RSPO4: variants seen among roughly 807,000 people sequenced by gnomAD.
RSPO4 encodes R-spondin 4, also known as R-spondin-4.
In RSPO4, 23 loss-of-function variants were observed where a neutral mutation model predicts 24.8. The observed-to-expected ratio is 0.93, with a 90% CI of 0.67 to 1.31. RSPO4 has a LOEUF of 1.31. Among genes scored for constraint, RSPO4 ranks in the 40% most tolerant of loss-of-function variants. The pLI is 0.00. For missense variants in RSPO4, 333 were observed against 316.5 expected (o/e 1.05, Z -0.39); for synonymous variants, 141 against 127.4 (o/e 1.11, Z -0.72).
intron 1 of RSPO4, among the ~76,000 whole-genome samples, chr20:982,699 C>T (rs775348487): frequency 3.9e-5 from 6 of 152,168 alleles, no homozygotes; most frequent in Non-Finnish European, 5.9e-5. Context: ...TGTTGCCTCT[C>T]GCATCCTCTC....
In RSPO4 at chr20:968,046, T is replaced by C. The variant is rs200792773; in HGVS notation, c.172A>G (p.Ile58Val). ...STCQQRLFLF[I>V]RREGIRQYGK... is the part of the protein sequence containing the mutation. ...TACTGGCGGATGCCTTCCCGGCGGATGAACAGGAAGAGCCTCTGCTGGCAG... is the reference window on the plus strand; with the variant it reads ...TACTGGCGGATGCCTTCCCGGCGGACGAACAGGAAGAGCCTCTGCTGGCAG... Residue 58 changes from isoleucine (I) to valine (V), a missense_variant, in exon 2 of 5, where the codon ATC (isoleucine) becomes GTC (valine). Transcript: ENST00000217260. 2.4e-4 allele frequency: 381 copies of C among 1,614,220 alleles called. 1 individual carries two copies. The highest frequency in any genetic ancestry group is 9.9e-4 in the Middle Eastern group (6 of 6,062).
rs1984725838 is a variant in RSPO4, at chr20:981,257, GC to G, written c.80-13120del. 6.6e-6 allele frequency among the ~76,000 whole-genome samples: 1 copy of G among 152,202 alleles called. No individual in the cohort carries two copies. The highest frequency in any genetic ancestry group is 1.5e-5 in the Non-Finnish European group (1 of 68,044). ...AGGGGCAACCTGGCCAGGCACAGTG[GC>G]TCACGCCTGTAATCCCAGCACTTAG... On this transcript the variant is annotated intron_variant, in intron 1 of 4. Coordinates refer to ENST00000217260, the MANE Select transcript of RSPO4 (RefSeq NM_001029871.4). This position sits in a 1 kb window ranked among gnomAD's most constrained non-coding sequence, Gnocchi z 4.6.
At chr20:983,808 C>T (rs1984817356) in intron 1 of RSPO4, among the ~76,000 whole-genome samples, 2 of 152,158 alleles carry the variant, frequency 1.3e-5, no homozygotes, top group Admixed American at 6.5e-5. Context: ...ACAGGCCAGA[C>T]TGCCTCAACA....
In RSPO4 at chr20:960,280, G is replaced by A; in HGVS notation, c.*77C>T. On this transcript the variant is annotated 3_prime_UTR_variant, in exon 5 of 5. Transcript: ENST00000217260. Reference sequence around the variant, plus strand: ...GGAGAAGACAGAGGAGAAAGAGTAAGAGGAGAGGAGGAGAAGGAGCAGGAG... The same window carrying A: ...GGAGAAGACAGAGGAGAAAGAGTAAAAGGAGAGGAGGAGAAGGAGCAGGAG... The A allele has an allele frequency of 2.3e-6, 2 of 866,620 alleles. No individual in the cohort carries two copies. The highest frequency in any genetic ancestry group is 3.7e-6 in the Non-Finnish European group (2 of 535,968). 53.7% of individuals were successfully genotyped at this position (866,620 alleles called of 1,614,324 possible). A position where few individuals can be genotyped will look rare whatever the true frequency, so the allele number is the denominator to read the frequency against.
At position 981,367 on chromosome 20, in the gene RSPO4, A is replaced by C. The variant is rs1195199804; in HGVS notation, c.80-13229T>G. ...TGGCAAAACCCCGTCTCTACTAAAAATACAAAAATCAGCTGGGCGTGGTGG... is the reference window on the plus strand; with the variant it reads ...TGGCAAAACCCCGTCTCTACTAAAACTACAAAAATCAGCTGGGCGTGGTGG... On this transcript the variant is annotated intron_variant, in intron 1 of 4. Transcript: ENST00000217260. The surrounding 1 kb of genome is among the most constrained non-coding windows in gnomAD (Gnocchi z 4.6). Among the ~76,000 whole-genome samples, 2 of 152,146 alleles carry C rather than the reference A, an allele frequency of 1.3e-5. No individual in the cohort carries two copies. Among genetic ancestry groups the C allele is most frequent in the African/African-American group, 4.8e-5 (2 of 41,420 alleles).
Position 960,417 on chromosome 20 carries a change from C to T in RSPO4, c.645G>A (p.Lys215=). The T allele has an allele frequency of 1.9e-6, 3 of 1,539,868 alleles. No individual in the cohort carries two copies. The highest frequency in any genetic ancestry group is 2.6e-6 in the Non-Finnish European group (3 of 1,147,630). Residue 215 remains lysine, a synonymous_variant, in exon 5 of 5, where the codon AAG becomes AAA. Coordinates refer to ENST00000217260, the MANE Select transcript of RSPO4 (RefSeq NM_001029871.4). ...KKGRKDRRPR[K]DRKLDRRLDV... ...CCAGCCTGCGGTCCAGCTTCCTGTC[C>T]TTGCGTGGGCGCCGGTCCTTCCTGC...
intron 1 of RSPO4, among the ~76,000 whole-genome samples, chr20:980,859 C>T (rs13040573): frequency 0.12 from 18,108 of 152,108 alleles, 2,383 homozygotes; most frequent in African/African-American, 0.33. Context: ...CAGGGTTGTA[C>T]GTGCATGAAC....
chr20:966,040 G>C (rs1984184598), intron 3 of RSPO4, among the ~76,000 whole-genome samples: 1 of 152,172 alleles, frequency 6.6e-6, no homozygotes, highest in African/African-American at 2.4e-5. Flanking sequence ...AAACCCAGAG[G>C]AAACCCAGAG....
intron 1 of RSPO4, among the ~76,000 whole-genome samples, chr20:1,000,845 G>A (rs1293088252): frequency 6.6e-6 from 1 of 152,134 alleles, no homozygotes; most frequent in African/African-American, 2.4e-5. Flanking sequence ...AAGAACTGGA[G>A]CCTCTTGGGC....
chr20:983,562 G>A (rs921326515), intron 1 of RSPO4, among the ~76,000 whole-genome samples: 2 of 152,170 alleles, frequency 1.3e-5, no homozygotes, highest in African/African-American at 2.4e-5. Flanking sequence ...GTTCCACAGT[G>A]CTAATGGCTG....
chr20:972,788 C>T (rs1984447614), intron 1 of RSPO4, among the ~76,000 whole-genome samples: 2 of 152,218 alleles, frequency 1.3e-5, no homozygotes, highest in South Asian at 4.1e-4. Flanking sequence ...GACCAAGTTG[C>T]CCTGCGCTGT....
intron 3 of RSPO4, among the ~76,000 whole-genome samples, chr20:965,590 C>G (rs62187525): frequency 6.6e-6 from 1 of 152,236 alleles, no homozygotes. Flanking sequence ...AGGCGGGAGA[C>G]GGGCAGGAGC....
intron 1 of RSPO4, among the ~76,000 whole-genome samples, chr20:973,566 C>G (rs1984476089): frequency 6.6e-6 from 1 of 152,194 alleles, no homozygotes; most frequent in African/African-American, 2.4e-5. Flanking sequence ...CTCCGTCTCC[C>G]AGGTTCAAAC....
At chr20:961,744 G>T (rs1193371953) in intron 4 of RSPO4, among the ~76,000 whole-genome samples, 1 of 151,970 alleles carries the variant, frequency 6.6e-6, no homozygotes, top group Non-Finnish European at 1.5e-5. Flanking sequence ...CCCTAGGCCT[G>T]CCTGCCAGCT....
At position 967,155 on chromosome 20, in the gene RSPO4, C is replaced by T. The variant is rs376337082; in HGVS notation, c.409+19G>A. 277 of 1,610,236 alleles carry T rather than the reference C, an allele frequency of 1.7e-4. No homozygotes were observed. Among genetic ancestry groups the T allele is most frequent in the East Asian group, 5.1e-4 (23 of 44,820 alleles). On this transcript the variant is annotated intron_variant, in intron 3 of 4. Transcript: ENST00000217260. ...GGAGAGGGGAGGGGCAGGGGCAGGG[C>T]GGGGAGGTCCCCACTCACCCTGGCA... is the stretch of plus-strand genomic sequence containing the variant.
chr20:996,547 G>A (rs1309002649), intron 1 of RSPO4, among the ~76,000 whole-genome samples: 1 of 152,170 alleles, frequency 6.6e-6, no homozygotes, highest in Non-Finnish European at 1.5e-5. Context: ...CGGATCTCAA[G>A]AGCCCAATAG....
chr20:980,429 C>T (rs959735043), intron 1 of RSPO4, among the ~76,000 whole-genome samples: 4 of 152,140 alleles, frequency 2.6e-5, no homozygotes, highest in African/African-American at 9.7e-5. Context: ...CAGGACTGAA[C>T]ATGCCCCCTC....
chr20:962,524 GTGCAGAAGAACTGTC>G (rs1480743808), intron 4 of RSPO4, among the ~76,000 whole-genome samples: 1 of 152,204 alleles, frequency 6.6e-6, no homozygotes, highest in Non-Finnish European at 1.5e-5. Context: ...GTGGTAATGA[GTGCAGAAGAACTGTC>G]TGCCTCCTGT....
At chr20:964,461 C>T (rs75381508) in intron 3 of RSPO4, among the ~76,000 whole-genome samples, 6,388 of 151,998 alleles carry the variant, frequency 0.042, 162 homozygotes, top group Middle Eastern at 0.085. Context: ...CTTGGGAGCC[C>T]GGCCCACCAT....
Sources: allele counts gnomAD v4.1 joint callset (sites outside exome capture counted in the v4.1 genomes callset), GRCh38; gene constraint gnomAD v4.1.1; non-coding constraint Gnocchi (gnomAD v3.1); transcripts MANE v1.5; gene names NCBI Gene and HGNC (gene_info 2026-07-23, HGNC 2026-07-21).